Variants in EYS observed in about 807,000 individuals in gnomAD.
The protein encoded by EYS is EGF-like photoreceptor maintenance factor, also known as protein eyes shut homolog.
Under a neutral mutation model 282.1 loss-of-function variants are expected in EYS, and 250 were observed. That is an observed-to-expected ratio of 0.89 (90% CI 0.80 to 0.98). The LOEUF (loss-of-function observed/expected upper bound fraction) is 0.98, where lower values mean the gene tolerates loss of function less well. Among genes scored for constraint, EYS ranks in the 50% least tolerant of loss-of-function variants. The pLI, the probability that EYS is intolerant of heterozygous loss-of-function variation, is 0.00. For synonymous variants in EYS, 1,355 were observed against 1,282.9 expected (o/e 1.06, Z -1.20); for missense variants, 4,016 against 3,709.0 (o/e 1.08, Z -2.15).
chr6:64,443,923 G>T (rs1053306020), intron 26 of EYS, among the ~76,000 whole-genome samples: 3 of 152,086 alleles, frequency 2.0e-5, no homozygotes, highest in Non-Finnish European at 4.4e-5. Flanking sequence ...GATTTCTGGG[G>T]GATGCTCAAG....
chr6:65,091,354 G>T (rs1055860148), intron 12 of EYS, among the ~76,000 whole-genome samples: 6 of 151,018 alleles, frequency 4.0e-5, no homozygotes, highest in African/African-American at 1.5e-4. Context: ...GGAGACTGAG[G>T]CAGGAGAATC....
At chr6:64,030,945 G>A (rs1769795643) in intron 33 of EYS, among the ~76,000 whole-genome samples, 1 of 152,194 alleles carries the variant, frequency 6.6e-6, no homozygotes, top group African/African-American at 2.4e-5. Flanking sequence ...AGCGGTCATC[G>A]GCCAAATTCC....
intron 22 of EYS, among the ~76,000 whole-genome samples, chr6:64,705,032 C>G (rs768190689): frequency 1.3e-5 from 2 of 152,072 alleles, no homozygotes; most frequent in Non-Finnish European, 2.9e-5. Context: ...GGAAGTCAAA[C>G]TGTTGCTGTT....
chr6:65,706,023 G>A (rs1471050625), intron 1 of EYS, among the ~76,000 whole-genome samples: 4 of 151,464 alleles, frequency 2.6e-5, no homozygotes, highest in African/African-American at 4.8e-5. Context: ...AATATAGTAT[G>A]AAAATTAACT....
intron 34 of EYS, 23 bp downstream of exon 34, chr6:63,999,052 G>C (rs1767962018): frequency 7.1e-7 from 1 of 1,411,626 alleles, no homozygotes; most frequent in Non-Finnish European, 9.8e-7. Flanking sequence ...TTAGTGTTTG[G>C]AACTGGATAT....
intron 33 of EYS, among the ~76,000 whole-genome samples, chr6:64,018,767 T>G (rs989035547): frequency 8.9e-6 from 1 of 112,388 alleles, no homozygotes; most frequent in African/African-American, 3.9e-5. Context: ...GTGTTTTTTT[T>G]TTTTTTTTTT....
chr6:64,325,389 C>G (rs1396769989), intron 29 of EYS, among the ~76,000 whole-genome samples: 2 of 152,112 alleles, frequency 1.3e-5, no homozygotes, highest in Non-Finnish European at 2.9e-5. Context: ...AAGGGAACAC[C>G]CTGTGGGACA....
chr6:64,686,916 C>T (rs1162937619), intron 22 of EYS, among the ~76,000 whole-genome samples: 2 of 115,576 alleles, frequency 1.7e-5, no homozygotes, highest in Admixed American at 8.9e-5. Flanking sequence ...TATATACACA[C>T]ATATATATAC....
In EYS at chr6:63,834,180, C is replaced by T. The variant is rs909687869; in HGVS notation, c.7229-27808G>A. 6.6e-5 allele frequency among the ~76,000 whole-genome samples: 10 copies of T among 152,248 alleles called. No individual in the cohort carries two copies. The South Asian group carries it at 1.7e-3, about 25-fold the overall frequency. On this transcript the variant is annotated intron_variant, in intron 36 of 42. Coordinates refer to ENST00000503581, the MANE Select transcript of EYS (RefSeq NM_001142800.2). The stretch of plus-strand genomic sequence containing the variant: ...GACTTCATGACTAAAACACCAAAAG[C>T]AATGGCAACAGAAGCAAAAATAGAC...
intron 41 of EYS, among the ~76,000 whole-genome samples, chr6:63,745,703 A>C (rs1427993053): frequency 6.6e-6 from 1 of 152,238 alleles, no homozygotes; most frequent in Non-Finnish European, 1.5e-5. Context: ...TATATTTTCA[A>C]AGAAACAAAG....
intron 26 of EYS, among the ~76,000 whole-genome samples, chr6:64,462,752 T>C (rs1291364301): frequency 6.6e-6 from 1 of 152,064 alleles, no homozygotes; most frequent in Non-Finnish European, 1.5e-5. Context: ...GTTGCTAGCC[T>C]TAACAAATAT....
chr6:63,960,105 T>G (rs1015131678), intron 35 of EYS, among the ~76,000 whole-genome samples: 1 of 151,862 alleles, frequency 6.6e-6, no homozygotes, highest in Non-Finnish European at 1.5e-5. Context: ...CTAGGAAAAG[T>G]TAATTGAAAA....
At chr6:63,880,858 G>T (rs987063263) in intron 35 of EYS, among the ~76,000 whole-genome samples, 1 of 152,202 alleles carries the variant, frequency 6.6e-6, no homozygotes, top group Non-Finnish European at 1.5e-5. Context: ...CAGTTGACAT[G>T]ATGTTAAAAT....
At chr6:65,521,529 T>TA (rs757543922) in intron 2 of EYS, among the ~76,000 whole-genome samples, 1 of 152,090 alleles carries the variant, frequency 6.6e-6, no homozygotes, top group African/African-American at 2.4e-5. Context: ...CAGGTTTTGT[T>TA]AAAAAACCCC....
intron 12 of EYS, among the ~76,000 whole-genome samples, chr6:65,093,725 T>C (rs1324100635): frequency 6.6e-6 from 1 of 151,766 alleles, no homozygotes; most frequent in Non-Finnish European, 1.5e-5. Flanking sequence ...ACAAAATACC[T>C]ATAAAATAGA....
intron 5 of EYS, among the ~76,000 whole-genome samples, chr6:65,423,119 A>G (rs370188314): frequency 7.9e-5 from 12 of 151,886 alleles, no homozygotes; most frequent in East Asian, 3.9e-4. Flanking sequence ...CCTCACCCAC[A>G]TAAAAATTAA....
chr6:64,836,084 ATATATTACT>A lies in EYS; in HGVS notation c.2993-13271_2993-13263del, dbSNP rs531232810. Among the ~76,000 whole-genome samples the A allele has an allele frequency of 7.7e-3, 1,167 of 151,602 alleles. 10 individuals carry two copies. The highest frequency in any genetic ancestry group is 0.026 in the African/African-American group (1,085 of 41,492). ...CTCAAATCTCATAATCGTAATTTTTATATATTACTTATGTTTTAATTTTTTCCACATGCC... is the reference window on the plus strand; with the variant it reads ...CTCAAATCTCATAATCGTAATTTTTATATGTTTTAATTTTTTCCACATGCC... On this transcript the variant is annotated intron_variant, in intron 19 of 42. Coordinates refer to ENST00000503581, the MANE Select transcript of EYS (RefSeq NM_001142800.2).
chr6:64,215,882 C>T (rs1765913010), intron 31 of EYS, among the ~76,000 whole-genome samples: 2 of 151,622 alleles, frequency 1.3e-5, no homozygotes, highest in African/African-American at 4.8e-5. Flanking sequence ...AAATGACTTC[C>T]AAGCAAAACT....
chr6:64,614,286 C>A (rs926164453), intron 24 of EYS, among the ~76,000 whole-genome samples: 25 of 152,098 alleles, frequency 1.6e-4, no homozygotes, highest in African/African-American at 5.8e-4. Flanking sequence ...CAAACACAGC[C>A]TGACTCCTAG....
Sources: gnomAD v4.1 joint callset for allele counts (sites outside exome capture counted in the v4.1 genomes callset) on GRCh38, gnomAD v4.1.1 for gene constraint, MANE v1.5 for transcripts, NCBI Gene and HGNC (gene_info 2026-07-23, HGNC 2026-07-21) for gene names.